The following LRMDA variants were observed in gnomAD, a reference collection of about 807,000 sequenced individuals.
LRMDA encodes the protein leucine rich melanocyte differentiation associated.
Under a neutral mutation model 29.8 loss-of-function variants are expected in LRMDA, and 18 were observed. The ratio of observed to expected loss-of-function variants is 0.60; its 90% confidence interval spans 0.42 to 0.90. The LOEUF is 0.90. Ranked by LOEUF, LRMDA falls within the 40% of genes least tolerant of loss-of-function variation. The pLI is 0.00. For missense variants in LRMDA, 273 were observed against 273.9 expected, an observed-to-expected ratio of 1.00 and a Z score of 0.02; for synonymous variants, 125 against 109.4, an observed-to-expected ratio of 1.14 and a Z score of -0.89.
At chr10:75,801,486 C>T (rs1266513351) in intron 2 of LRMDA, among the ~76,000 whole-genome samples, 5 of 152,210 alleles carry the variant, frequency 3.3e-5, no homozygotes, top group Non-Finnish European at 7.3e-5. Flanking sequence ...CTGTTTCTGT[C>T]TGCTTTTGGT....
At chr10:76,017,379 C>T (rs1466047689) in intron 2 of LRMDA, among the ~76,000 whole-genome samples, 1 of 152,222 alleles carries the variant, frequency 6.6e-6, no homozygotes, top group Non-Finnish European at 1.5e-5. Flanking sequence ...CGTGGCCCTA[C>T]TGATACCTTG....
intron 5 of LRMDA, among the ~76,000 whole-genome samples, chr10:76,143,104 A>G (rs1850237454): frequency 2.6e-5 from 4 of 152,082 alleles, no homozygotes; most frequent in East Asian, 1.9e-4. Flanking sequence ...TTGGACATTT[A>G]GGTTGGTTCC....
chr10:76,447,679 T>A (rs563799941), intron 6 of LRMDA, among the ~76,000 whole-genome samples: 5 of 152,160 alleles, frequency 3.3e-5, no homozygotes, highest in Non-Finnish European at 7.4e-5. Flanking sequence ...CTGTCTCACA[T>A]GTACATGGTG....
intron 2 of LRMDA, among the ~76,000 whole-genome samples, chr10:75,952,314 C>T (rs1175278229): frequency 6.6e-6 from 1 of 152,094 alleles, no homozygotes; most frequent in East Asian, 1.9e-4. Flanking sequence ...GTTAAGTTGT[C>T]AACACAACCA....
chr10:75,891,888 C>T (rs1240059586), intron 2 of LRMDA, among the ~76,000 whole-genome samples: 1 of 152,188 alleles, frequency 6.6e-6, no homozygotes, highest in Non-Finnish European at 1.5e-5. Flanking sequence ...ACTGGAGATG[C>T]TTATCAGCCA....
At chr10:75,931,155 G>A (rs1298194810) in intron 2 of LRMDA, among the ~76,000 whole-genome samples, 2 of 152,156 alleles carry the variant, frequency 1.3e-5, no homozygotes, top group Admixed American at 6.5e-5. Context: ...TGAAAAACCT[G>A]AGTATCTCTC....
intron 2 of LRMDA, among the ~76,000 whole-genome samples, chr10:75,441,482 T>C (rs1844326344): frequency 6.6e-6 from 1 of 152,294 alleles, no homozygotes; most frequent in Admixed American, 6.5e-5. Context: ...GAGGGCTGGG[T>C]GGTAATTGTG....
chr10:75,474,034 A>G (rs537360996), intron 2 of LRMDA, among the ~76,000 whole-genome samples: 1 of 152,338 alleles, frequency 6.6e-6, no homozygotes, highest in South Asian at 2.1e-4. Context: ...GGACCACGTG[A>G]GACAACATCT....
At chr10:75,466,181 T>C (rs1844648124) in intron 2 of LRMDA, among the ~76,000 whole-genome samples, 1 of 152,208 alleles carries the variant, frequency 6.6e-6, no homozygotes, top group Non-Finnish European at 1.5e-5. Context: ...AATTATTAAA[T>C]GCCATTGTGC....
chr10:76,047,950 C>T (rs1247431820), intron 4 of LRMDA, among the ~76,000 whole-genome samples: 1 of 152,224 alleles, frequency 6.6e-6, no homozygotes, highest in African/African-American at 2.4e-5. Context: ...CAACCATGTG[C>T]TTTAAAAGCC....
intron 5 of LRMDA, among the ~76,000 whole-genome samples, chr10:76,180,446 A>G (rs1195618098): frequency 1.1e-4 from 16 of 151,494 alleles, no homozygotes; most frequent in Non-Finnish European, 2.4e-4. Flanking sequence ...CACCCGGCTA[A>G]TTTTTTGTAT....
intron 2 of LRMDA, among the ~76,000 whole-genome samples, chr10:75,715,568 T>G (rs1842489823): frequency 1.3e-5 from 2 of 152,208 alleles, no homozygotes; most frequent in South Asian, 4.1e-4. Flanking sequence ...CTCATGTCAT[T>G]AATAATTCTT....
intron 2 of LRMDA, among the ~76,000 whole-genome samples, chr10:75,487,998 T>C (rs1173799483): frequency 2.0e-5 from 3 of 152,196 alleles, no homozygotes; most frequent in African/African-American, 4.8e-5. Flanking sequence ...CAGCACATGA[T>C]GTATCAACTC....
intron 5 of LRMDA, among the ~76,000 whole-genome samples, chr10:76,165,814 C>G (rs1056171556): frequency 4.6e-5 from 7 of 152,146 alleles, no homozygotes; most frequent in Admixed American, 1.3e-4. Context: ...CAAGTCCCCC[C>G]CACAACACGT....
intron 5 of LRMDA, among the ~76,000 whole-genome samples, chr10:76,229,423 G>C (rs1307503516): frequency 2.0e-5 from 3 of 152,210 alleles, no homozygotes; most frequent in African/African-American, 7.2e-5. Context: ...GATGTCCTGG[G>C]ACGAAGTCTG....
At chr10:76,363,114 AAGG>A (rs984187979) in intron 6 of LRMDA, among the ~76,000 whole-genome samples, 2 of 110,396 alleles carry the variant, frequency 1.8e-5, no homozygotes, top group Admixed American at 2.3e-4. Flanking sequence ...CCTGTGGAGT[AAGG>A]AAAGAAAGAA....
At chr10:75,689,031 C>CAA (rs148645892) in intron 2 of LRMDA, among the ~76,000 whole-genome samples, 9 of 146,020 alleles carry the variant, frequency 6.2e-5, no homozygotes, top group African/African-American at 2.2e-4. Flanking sequence ...TATGGGGAAA[C>CAA]AAAAAAAAAA....
At chr10:75,463,783 T>G (rs1317862629) in intron 2 of LRMDA, among the ~76,000 whole-genome samples, 2 of 152,232 alleles carry the variant, frequency 1.3e-5, no homozygotes, top group Non-Finnish European at 2.9e-5. Flanking sequence ...ATCTCCTGCC[T>G]TAGCCTCCCG....
intron 2 of LRMDA, among the ~76,000 whole-genome samples, chr10:75,486,034 C>T (rs746416500): frequency 6.6e-6 from 1 of 152,084 alleles, no homozygotes; most frequent in Non-Finnish European, 1.5e-5. Context: ...TGTGAGTTTT[C>T]CTCTGAGTAC....
Sources: allele counts gnomAD v4.1 joint callset (sites outside exome capture counted in the v4.1 genomes callset), GRCh38; gene constraint gnomAD v4.1.1; transcripts MANE v1.5; gene names NCBI Gene and HGNC (gene_info 2026-07-23, HGNC 2026-07-21).